Variants in ERICH3 observed in about 807,000 individuals in gnomAD.
The protein encoded by ERICH3 is glutamate rich 3, also known as glutamate-rich protein 3.
Under a neutral mutation model 131.1 loss-of-function variants are expected in ERICH3, and 126 were observed. That is an observed-to-expected ratio of 0.96 (90% CI 0.83 to 1.11). The LOEUF (loss-of-function observed/expected upper bound fraction) is 1.11, where lower values mean the gene tolerates loss of function less well. Among genes scored for constraint, ERICH3 ranks in the 50% most tolerant of loss-of-function variants. The pLI is 0.00. For synonymous variants in ERICH3, 695 were observed against 644.6 expected, an observed-to-expected ratio of 1.08 and a Z score of -1.18; for missense variants, 2,050 against 1,810.7, an observed-to-expected ratio of 1.13 and a Z score of -2.40.
At chr1:74,584,568 T>C (rs1244811588) in intron 12 of ERICH3, among the ~76,000 whole-genome samples, 1 of 152,166 alleles carries the variant, frequency 6.6e-6, no homozygotes, top group Non-Finnish European at 1.5e-5. Context: ...ACTTCATTCA[T>C]CTCTGTTCAG....
intron 12 of ERICH3, among the ~76,000 whole-genome samples, chr1:74,583,123 G>C (rs1468143712): frequency 6.6e-6 from 1 of 152,122 alleles, no homozygotes; most frequent in Admixed American, 6.6e-5. Flanking sequence ...TTGTCGGCCA[G>C]AGCAGATGAA....
At chr1:74,663,748 A>C (rs1446879084) in intron 1 of ERICH3, among the ~76,000 whole-genome samples, 1 of 152,078 alleles carries the variant, frequency 6.6e-6, no homozygotes, top group Non-Finnish European at 1.5e-5. Context: ...AAAAAATAAA[A>C]AAATGTTGCC....
intron 12 of ERICH3, chr1:74,579,880 TTG>T (rs958472017): frequency 8.1e-6 from 8 of 985,034 alleles, no homozygotes; most frequent in African/African-American, 1.7e-5. Context: ...CCAAATGGAA[TTG>T]TCACACACAG....
chr1:74,659,324 A>ATGTGTG (rs34090049), intron 1 of ERICH3, among the ~76,000 whole-genome samples: 1 of 150,064 alleles, frequency 6.7e-6, no homozygotes, highest in South Asian at 2.1e-4. Flanking sequence ...GCACAGGCGC[A>ATGTGTG]TGTGTGTGTG....
chr1:74,625,513 G>T (rs2100616596), intron 7 of ERICH3: 1 of 151,974 alleles, frequency 6.6e-6, no homozygotes, highest in South Asian at 2.1e-4. Context: ...AATCTCCTCG[G>T]TCAAAACTAA....
intron 7 of ERICH3, among the ~76,000 whole-genome samples, chr1:74,628,733 G>A (rs1167390136): frequency 1.3e-5 from 2 of 151,596 alleles, no homozygotes; most frequent in Non-Finnish European, 2.9e-5. Flanking sequence ...AAGAAAATAA[G>A]AAGTATTATT....
chr1:74,655,575 TGG>T (rs1646576334), intron 1 of ERICH3, among the ~76,000 whole-genome samples: 3 of 152,306 alleles, frequency 2.0e-5, no homozygotes, highest in African/African-American at 7.2e-5. Context: ...TGTGATTACA[TGG>T]GGCCCACCCA....
chr1:74,658,368 G>C (rs1448176471), intron 1 of ERICH3, among the ~76,000 whole-genome samples: 2 of 152,122 alleles, frequency 1.3e-5, no homozygotes, highest in Non-Finnish European at 2.9e-5. Context: ...CAACACCTGT[G>C]AAAGGAAAAG....
chr1:74,672,285 A>T (rs2100664834), intron 1 of ERICH3, among the ~76,000 whole-genome samples: 1 of 152,332 alleles, frequency 6.6e-6, no homozygotes, highest in Middle Eastern at 3.4e-3. Flanking sequence ...ACCCACAGAT[A>T]ACTAAAAATT....
chr1:74,589,589 T>C, intron 12 of ERICH3, 42 bp downstream of exon 12: 1 of 1,578,216 alleles, frequency 6.3e-7, no homozygotes, highest in Non-Finnish European at 8.7e-7. Context: ...TCAGCTTCCA[T>C]GCATGAGGAT....
chr1:74,649,380 T>C, intron 1 of ERICH3, 65 bp from the exon 2 acceptor site: 1 of 1,271,260 alleles, frequency 7.9e-7, no homozygotes, highest in Admixed American at 1.8e-5. Flanking sequence ...AGGCAATTCT[T>C]TACTGTTTCC....
chr1:74,617,569 G>A (rs984320736), intron 8 of ERICH3, among the ~76,000 whole-genome samples: 3 of 152,152 alleles, frequency 2.0e-5, no homozygotes, highest in Non-Finnish European at 4.4e-5. Context: ...AAAACATTAC[G>A]CTAAGTGAGT....
Position 74,631,750 on chromosome 1 carries a change from G to T in ERICH3, c.782C>A (p.Thr261Asn). The change falls in exon 7 of 15, where the codon ACC becomes AAC. Residue 261 changes from threonine to asparagine, a missense_variant. Coordinates refer to ENST00000326665, the MANE Select transcript of ERICH3 (RefSeq NM_001002912.5). Reference sequence around the variant, plus strand: ...AGGTTCTAAGCCATTTGGAGCAGTGGTTGGACGAAATCTTCTCCTTCTCCA... The same window carrying T: ...AGGTTCTAAGCCATTTGGAGCAGTGTTTGGACGAAATCTTCTCCTTCTCCA... ...ETWRRRRFRP[T>N]TAPNGLEPLL... 1 of 1,613,438 alleles carries T rather than the reference G, an allele frequency of 6.2e-7. No homozygotes were observed. The highest frequency in any genetic ancestry group is 8.5e-7 in the Non-Finnish European group (1 of 1,179,554).
Position 74,660,597 on chromosome 1 carries a change from ATATATATATATATATATAGTGTG to A in ERICH3, c.24-11305_24-11283del, listed in dbSNP as rs1457822698. ...TGCACACATTCAGACACACAAGTGT[ATATATATATATATATATAGTGTG>A]TATATATATACACATGTGTATATAT... On this transcript the variant is annotated intron_variant, in intron 1 of 14. Coordinates refer to ENST00000326665, the MANE Select transcript of ERICH3 (RefSeq NM_001002912.5). 7.4e-5 allele frequency among the ~76,000 whole-genome samples: 3 copies of A among 40,716 alleles called. No homozygotes were observed. In the East Asian group the frequency reaches 7.9e-4, roughly 11 times the overall value. The allele number at this position is 40,716 out of a possible 152,430, so 26.7% of individuals were successfully genotyped here.
intron 7 of ERICH3, chr1:74,626,103 A>T (rs1383611517): frequency 6.6e-6 from 1 of 152,200 alleles, no homozygotes; most frequent in African/African-American, 2.4e-5. Context: ...AATTTATTTC[A>T]TGTTTCTCTT....
intron 8 of ERICH3, among the ~76,000 whole-genome samples, chr1:74,613,128 A>G (rs963195645): frequency 2.6e-5 from 4 of 152,252 alleles, no homozygotes; most frequent in Non-Finnish European, 5.9e-5. Context: ...CAGATTGGAC[A>G]AGCTAGATCT....
chr1:74,631,881 C>A lies in ERICH3; in HGVS notation c.651G>T (p.Gln217His). 6.2e-7 allele frequency: 1 copy of A among 1,613,436 alleles called. No homozygotes were observed. The highest frequency in any genetic ancestry group is 8.5e-7 in the Non-Finnish European group (1 of 1,179,574). The change falls in exon 7 of 15, where the codon CAG becomes CAT. Residue 217 changes from glutamine (Q) to histidine (H), a missense_variant. Transcript: ENST00000326665. ...MKFRNSIGNSQRMNSYQLPNI... is the reference protein window; with the variant it reads ...MKFRNSIGNSHRMNSYQLPNI... The stretch of plus-strand genomic sequence containing the variant: ...TTGGAAGTTGATATGAATTCATTCT[C>A]TGTGAATTGCCTATGGAGTTCCTGA...
intron 2 of ERICH3, 117 bp from the exon 3 acceptor site, chr1:74,646,909 C>CACACAT (rs2100640034): frequency 7.3e-6 from 2 of 272,124 alleles, no homozygotes; most frequent in South Asian, 1.3e-4. Flanking sequence ...CACACACACA[C>CACACAT]ACACACAGAG....
chr1:74,631,831 A>C lies in ERICH3; in HGVS notation c.701T>G (p.Ile234Ser), dbSNP rs1646341457. Residue 234 changes from isoleucine to serine, a missense_variant, in exon 7 of 15, where the codon ATT (isoleucine) becomes AGT (serine). Coordinates refer to ENST00000326665, the MANE Select transcript of ERICH3 (RefSeq NM_001002912.5). ...CCCAGTTGGGGGAAGTGGAGGAGGAATAGGCATCATGTAACTGTTAATGTT... is the reference window on the plus strand; with the variant it reads ...CCCAGTTGGGGGAAGTGGAGGAGGACTAGGCATCATGTAACTGTTAATGTT... Reference protein sequence around the residue: ...LPNINSYMMPIPPPLPPTGKI... With the variant: ...LPNINSYMMPSPPPLPPTGKI... 1 of 1,613,268 alleles carries C rather than the reference A, an allele frequency of 6.2e-7. No individual in the cohort carries two copies. Among genetic ancestry groups the C allele is most frequent in the Non-Finnish European group, 8.5e-7 (1 of 1,179,482 alleles).
Sources: allele counts gnomAD v4.1 joint callset (sites outside exome capture counted in the v4.1 genomes callset), GRCh38; gene constraint gnomAD v4.1.1; transcripts MANE v1.5; gene names NCBI Gene and HGNC (gene_info 2026-07-23, HGNC 2026-07-21).